Variants in GRK5 observed in about 807,000 individuals in gnomAD.
GRK5 encodes the protein g protein-coupled receptor kinase GRK5.
Under a neutral mutation model 78.4 loss-of-function variants are expected in GRK5, and 40 were observed. The observed-to-expected ratio is 0.51, with a 90% confidence interval of 0.40 to 0.66. The LOEUF is 0.66. Ranked by LOEUF, GRK5 falls within the 30% of genes least tolerant of loss-of-function variation. The pLI, the probability that GRK5 is intolerant of heterozygous loss-of-function variation, is 0.00. For missense variants in GRK5, 598 were observed against 759.9 expected, an observed-to-expected ratio of 0.79 and a Z score of 2.50; for synonymous variants, 289 against 296.8, an observed-to-expected ratio of 0.97 and a Z score of 0.27.
chr10:119,420,923 A>C (rs1252468017), intron 4 of GRK5, among the ~76,000 whole-genome samples: 1 of 152,172 alleles, frequency 6.6e-6, no homozygotes, highest in Non-Finnish European at 1.5e-5. Flanking sequence ...GCCCAGCACC[A>C]GGCTGTGCCT....
intron 4 of GRK5, among the ~76,000 whole-genome samples, chr10:119,404,150 A>G (rs994643046): frequency 1.3e-5 from 2 of 152,284 alleles, no homozygotes; most frequent in Admixed American, 6.5e-5. Flanking sequence ...GCAGGGTTCC[A>G]GTTTTGCCAA....
chr10:119,267,926 G>T lies in GRK5; in HGVS notation c.53-58590G>T, dbSNP rs76913483. Among the ~76,000 whole-genome samples, 3,281 of 152,280 alleles carry T rather than the reference G, an allele frequency of 0.022. 106 individuals are homozygous for T. The highest frequency in any genetic ancestry group is 0.075 in the African/African-American group (3,132 of 41,542). Reference sequence around the variant, plus strand: ...CTCATAGGAAATGGGGTCCCCTGAGGAGAAGGACAAAAGCAGACAATTCCT... The same window carrying T: ...CTCATAGGAAATGGGGTCCCCTGAGTAGAAGGACAAAAGCAGACAATTCCT... On this transcript the variant is annotated intron_variant, in intron 1 of 15. Transcript: ENST00000392870. The surrounding 1 kb of genome is among the most constrained non-coding windows in gnomAD (Gnocchi z 4.1).
rs1848961903 is a variant in GRK5, at chr10:119,238,047, A to G, written c.52+30078A>G. On this transcript the variant is annotated intron_variant, in intron 1 of 15. Transcript: ENST00000392870. This position sits in a 1 kb window ranked among gnomAD's most constrained non-coding sequence, Gnocchi z 4.7. ...TTAAACTTACGAACTAAAGGGCTTG[A>G]GGGTGAGGGGGTGCTGATCTAGGGA... is the stretch of plus-strand genomic sequence containing the variant. Among the ~76,000 whole-genome samples the G allele has an allele frequency of 6.6e-6, 1 of 152,148 alleles. No individual in the cohort carries two copies. Among genetic ancestry groups the G allele is most frequent in the African/African-American group, 2.4e-5 (1 of 41,436 alleles).
At chr10:119,290,414 A>T (rs1324523987) in intron 1 of GRK5, among the ~76,000 whole-genome samples, 1 of 150,282 alleles carries the variant, frequency 6.7e-6, no homozygotes, top group Non-Finnish European at 1.5e-5. Flanking sequence ...TCTAACCTCT[A>T]CGGCTGTTAT....
chr10:119,234,368 C>T (rs1461189731), intron 1 of GRK5, among the ~76,000 whole-genome samples: 3 of 152,234 alleles, frequency 2.0e-5, no homozygotes, highest in Admixed American at 1.3e-4. Flanking sequence ...TTCATTCTTA[C>T]TCTACATGTC....
chr10:119,277,545 G>T (rs150242746), intron 1 of GRK5, among the ~76,000 whole-genome samples: 4 of 152,114 alleles, frequency 2.6e-5, no homozygotes, highest in African/African-American at 4.8e-5. Context: ...CCAGGAATCC[G>T]TACTCTTTCA....
At chr10:119,268,001 C>G (rs904765045) in intron 1 of GRK5, among the ~76,000 whole-genome samples, 1 of 152,080 alleles carries the variant, frequency 6.6e-6, no homozygotes, top group Non-Finnish European at 1.5e-5. Flanking sequence ...GTGCTGATTC[C>G]CAGTGAGCAT....
intron 3 of GRK5, among the ~76,000 whole-genome samples, chr10:119,394,113 G>GGTAT (rs1491009222): frequency 5.2e-5 from 2 of 38,698 alleles, no homozygotes; most frequent in Non-Finnish European, 7.3e-5. Context: ...GTCTGTGTGG[G>GGTAT]GGGTGTGTGT....
At chr10:119,211,686 A>C (rs1848488084) in intron 1 of GRK5, 1 of 152,242 alleles carries the variant, frequency 6.6e-6, no homozygotes, top group Non-Finnish European at 1.5e-5. Flanking sequence ...CAATTGCCAA[A>C]CATTAGAATA....
chr10:119,285,595 A>G (rs540333018), intron 1 of GRK5, among the ~76,000 whole-genome samples: 4 of 152,324 alleles, frequency 2.6e-5, no homozygotes, highest in African/African-American at 9.6e-5. Flanking sequence ...AGCAGGGAAG[A>G]TGGTTGCTGT....
chr10:119,434,819 C>T (rs1221731236), intron 8 of GRK5, among the ~76,000 whole-genome samples: 2 of 152,226 alleles, frequency 1.3e-5, no homozygotes, highest in Non-Finnish European at 2.9e-5. Context: ...GGGTCTCTGA[C>T]CCCACATTTC....
intron 1 of GRK5, among the ~76,000 whole-genome samples, chr10:119,292,275 C>T (rs1849995295): frequency 6.7e-6 from 1 of 149,752 alleles, no homozygotes; most frequent in Admixed American, 6.7e-5. Context: ...CCTCCTCCTT[C>T]TCCTCCTCTT....
chr10:119,234,642 A>G (rs1035449190), intron 1 of GRK5, among the ~76,000 whole-genome samples: 27 of 145,310 alleles, frequency 1.9e-4, no homozygotes, highest in African/African-American at 6.9e-4. Context: ...TTTCTTTTCT[A>G]TTCTTTTCTT....
chr10:119,342,011 G>A (rs539792254), intron 2 of GRK5, among the ~76,000 whole-genome samples: 28 of 152,302 alleles, frequency 1.8e-4, no homozygotes, highest in East Asian at 7.7e-4. Context: ...AATGGGAGGC[G>A]TGGGAGAGTT....
chr10:119,301,575 G>T (rs1378242771), intron 1 of GRK5, among the ~76,000 whole-genome samples: 1 of 152,178 alleles, frequency 6.6e-6, no homozygotes, highest in African/African-American at 2.4e-5. Flanking sequence ...CGCCCCATCC[G>T]ATGGCTGCTG....
chr10:119,255,093 A>T (rs553730551), intron 1 of GRK5, among the ~76,000 whole-genome samples: 2 of 150,306 alleles, frequency 1.3e-5, no homozygotes, highest in African/African-American at 4.9e-5. Context: ...AGCTCTGTGT[A>T]TGTATGCGCA....
chr10:119,240,191 T>TC (rs1378299873), intron 1 of GRK5, among the ~76,000 whole-genome samples: 1 of 110,212 alleles, frequency 9.1e-6, no homozygotes, highest in Non-Finnish European at 1.8e-5. Context: ...TTTCCCGACT[T>TC]TTTTTTTTTT....
Position 119,271,074 on chromosome 10 carries a change from G to C in GRK5, c.53-55442G>C, listed in dbSNP as rs1374367969. The stretch of plus-strand genomic sequence containing the variant: ...TAATAATAATAACAGGACCCGCCTA[G>C]AAGTGACTGAATAGCAGACCGGGCT... On this transcript the variant is annotated intron_variant, in intron 1 of 15. Transcript: ENST00000392870. The surrounding 1 kb of genome is among the most constrained non-coding windows in gnomAD (Gnocchi z 4.1). Among the ~76,000 whole-genome samples, 1 of 152,204 alleles carries C rather than the reference G, an allele frequency of 6.6e-6. No homozygotes were observed. Among genetic ancestry groups the C allele is most frequent in the Non-Finnish European group, 1.5e-5 (1 of 68,046 alleles).
intron 1 of GRK5, among the ~76,000 whole-genome samples, chr10:119,241,764 T>A (rs1019151569): frequency 6.6e-6 from 1 of 152,164 alleles, no homozygotes; most frequent in Admixed American, 6.5e-5. Context: ...TCCTCCGCCC[T>A]CTTAGGTTCA....
Sources: allele counts gnomAD v4.1 joint callset (sites outside exome capture counted in the v4.1 genomes callset), GRCh38; gene constraint gnomAD v4.1.1; non-coding constraint Gnocchi (gnomAD v3.1); transcripts MANE v1.5; gene names NCBI Gene and HGNC (gene_info 2026-07-23, HGNC 2026-07-21).